The following KCNMA1 variants were observed in gnomAD, a reference collection of about 807,000 sequenced individuals.
KCNMA1 encodes the protein potassium calcium-activated channel subfamily M alpha 1.
In KCNMA1, 29 loss-of-function variants were observed where a neutral mutation model predicts 140.0. The observed-to-expected ratio is 0.21, with a 90% CI of 0.15 to 0.28. The LOEUF (loss-of-function observed/expected upper bound fraction) is 0.28, where lower values mean the gene tolerates loss of function less well. KCNMA1 is among the 10% of genes least tolerant of loss of function. The pLI, the probability that KCNMA1 is intolerant of heterozygous loss-of-function variation, is 1.00. For synonymous variants in KCNMA1, 612 were observed against 611.9 expected (o/e 1.00, Z 0.00); for missense variants, 880 against 1,602.2 (o/e 0.55, Z 7.70).
chr10:76,977,167 C>T (rs889763682), intron 19 of KCNMA1, among the ~76,000 whole-genome samples: 10 of 152,224 alleles, frequency 6.6e-5, no homozygotes, highest in East Asian at 3.9e-4. Context: ...ACTTGCAGTC[C>T]GCGTTTGTGA....
chr10:77,588,780 G>GTA (rs1269756595), intron 1 of KCNMA1, among the ~76,000 whole-genome samples: 3 of 152,238 alleles, frequency 2.0e-5, no homozygotes, highest in African/African-American at 7.2e-5. Flanking sequence ...GAACAGCCAT[G>GTA]TGGCTGGCGC....
At chr10:77,258,693 T>C (rs970395187) in intron 2 of KCNMA1, among the ~76,000 whole-genome samples, 3 of 152,196 alleles carry the variant, frequency 2.0e-5, no homozygotes, top group African/African-American at 7.2e-5. Flanking sequence ...CCAGGTGCGG[T>C]GGCTCATGCC....
At chr10:77,182,261 G>A (rs1307566430) in intron 5 of KCNMA1, among the ~76,000 whole-genome samples, 1 of 152,124 alleles carries the variant, frequency 6.6e-6, no homozygotes, top group Non-Finnish European at 1.5e-5. Flanking sequence ...AAAAGGAAAA[G>A]GAAAACATTC....
chr10:77,447,029 C>T (rs576751504), intron 1 of KCNMA1, among the ~76,000 whole-genome samples: 16 of 152,324 alleles, frequency 1.1e-4, no homozygotes, highest in African/African-American at 3.8e-4. Context: ...AACCTCACCT[C>T]GAAGAAGGAC....
intron 9 of KCNMA1, among the ~76,000 whole-genome samples, chr10:77,098,120 T>A (rs560399451): frequency 6.6e-6 from 1 of 152,314 alleles, no homozygotes; most frequent in East Asian, 1.9e-4. Context: ...TAGACCTCCA[T>A]AATTAGACCG....
At chr10:77,088,847 C>A (rs1382562405) in intron 10 of KCNMA1, among the ~76,000 whole-genome samples, 1 of 152,234 alleles carries the variant, frequency 6.6e-6, no homozygotes, top group African/African-American at 2.4e-5. Context: ...CCGGGTAATA[C>A]CATAGACTGA....
chr10:77,008,119 A>T (rs1209323301), intron 18 of KCNMA1: 2 of 1,438,596 alleles, frequency 1.4e-6, no homozygotes, highest in South Asian at 2.5e-5. Flanking sequence ...AAATTAAAAG[A>T]GTATCTCTTC....
intron 2 of KCNMA1, among the ~76,000 whole-genome samples, chr10:77,268,844 T>C (rs1380599852): frequency 1.3e-5 from 2 of 152,180 alleles, no homozygotes; most frequent in African/African-American, 4.8e-5. Flanking sequence ...TCTGCACTGC[T>C]ACCTTAGTGC....
rs34258163 is a variant in KCNMA1, at chr10:77,609,752, TAA to T, written c.378+27511_378+27512del. ...AAATTTTAATAATAAGTGTTCATTTTAAAAAAAAAAATACAGCCAATTGGCAC... is the reference window on the plus strand; with the variant it reads ...AAATTTTAATAATAAGTGTTCATTTTAAAAAAAAATACAGCCAATTGGCAC... On this transcript the variant is annotated intron_variant, in intron 1 of 27. Coordinates refer to ENST00000286628, the MANE Select transcript of KCNMA1 (RefSeq NM_001161352.2). 1.1e-4 allele frequency among the ~76,000 whole-genome samples: 17 copies of T among 149,404 alleles called. No homozygotes were observed. In the East Asian group the frequency reaches 3.3e-3, roughly 29 times the overall value.
intron 5 of KCNMA1, among the ~76,000 whole-genome samples, chr10:77,156,719 A>T (rs2098488576): frequency 6.6e-6 from 1 of 152,098 alleles, no homozygotes; most frequent in Admixed American, 6.5e-5. Context: ...AAATAACATC[A>T]CTACTGTAGA....
chr10:77,619,302 CTCTG>C (rs1197779158), intron 1 of KCNMA1, among the ~76,000 whole-genome samples: 1 of 114,998 alleles, frequency 8.7e-6, no homozygotes, highest in Non-Finnish European at 1.7e-5. Flanking sequence ...AGTAGTGTCT[CTCTG>C]TCTGTCTGTC....
chr10:77,237,139 A>C (rs1412823297), intron 3 of KCNMA1, among the ~76,000 whole-genome samples: 1 of 152,260 alleles, frequency 6.6e-6, no homozygotes, highest in Admixed American at 6.5e-5. Flanking sequence ...AAAAGTTTCA[A>C]AACAGACCTC....
intron 2 of KCNMA1, among the ~76,000 whole-genome samples, chr10:77,382,994 G>GTGTGTGTGTGTATATA (rs1491457588): frequency 2.2e-4 from 10 of 46,434 alleles, no homozygotes; most frequent in East Asian, 4.6e-4. Flanking sequence ...GTGTGTGTGT[G>GTGTGTGTGTGTATATA]TATATATATA....
intron 3 of KCNMA1, among the ~76,000 whole-genome samples, chr10:77,229,284 T>G (rs1373238120): frequency 6.8e-6 from 1 of 146,714 alleles, no homozygotes; most frequent in East Asian, 2.0e-4. Flanking sequence ...ATAAACATAT[T>G]GCAATTTGGG....
chr10:76,987,333 C>G (rs1246618006), intron 19 of KCNMA1, among the ~76,000 whole-genome samples: 1 of 152,070 alleles, frequency 6.6e-6, no homozygotes, highest in African/African-American at 2.4e-5. Flanking sequence ...TTCACTTTTT[C>G]TAATTTGGTT....
At chr10:77,427,066 A>G (rs2154491828) in intron 1 of KCNMA1, among the ~76,000 whole-genome samples, 1 of 152,334 alleles carries the variant, frequency 6.6e-6, no homozygotes, top group South Asian at 2.1e-4. Flanking sequence ...CTCTTAGGGG[A>G]GTTCAGCTCC....
intron 5 of KCNMA1, among the ~76,000 whole-genome samples, chr10:77,163,520 A>C (rs2098596284): frequency 6.6e-6 from 1 of 152,188 alleles, no homozygotes; most frequent in African/African-American, 2.4e-5. Context: ...AGTATCTCCC[A>C]TGCGTGCAGT....
At chr10:76,996,376 C>T (rs1318243386) in intron 19 of KCNMA1, among the ~76,000 whole-genome samples, 1 of 152,210 alleles carries the variant, frequency 6.6e-6, no homozygotes, top group Admixed American at 6.5e-5. Context: ...TGTAGCCTCA[C>T]CTGCTACCAA....
intron 1 of KCNMA1, chr10:77,587,821 T>C (rs2154564118): frequency 3.0e-6 from 3 of 985,330 alleles, no homozygotes; most frequent in Non-Finnish European, 2.4e-6. Flanking sequence ...GGTGGAGTTA[T>C]CTCACCGACA....
Sources: allele counts gnomAD v4.1 joint callset (sites outside exome capture counted in the v4.1 genomes callset), GRCh38; gene constraint gnomAD v4.1.1; transcripts MANE v1.5; gene names NCBI Gene and HGNC (gene_info 2026-07-23, HGNC 2026-07-21).